Variants in NREP observed in about 807,000 individuals in gnomAD.
The protein encoded by NREP is neuronal regeneration related protein, also known as neuronal regeneration-related protein.
A neutral mutation model predicts 8.6 loss-of-function variants in NREP; 5 were observed. The ratio of observed to expected loss-of-function variants is 0.58; its 90% CI spans 0.30 to 1.22. The LOEUF is 1.22. NREP is among the 50% of genes most tolerant of loss of function. The pLI, the probability that NREP is intolerant of heterozygous loss-of-function variation, is 0.07. For synonymous variants in NREP, 27 were observed against 28.0 expected, an observed-to-expected ratio of 0.96 and a Z score of 0.11; for missense variants, 86 against 82.5, an observed-to-expected ratio of 1.04 and a Z score of -0.17.
intron 2 of NREP, among the ~76,000 whole-genome samples, chr5:111,741,577 T>C (rs1749666858): frequency 6.6e-6 from 1 of 152,152 alleles, no homozygotes; most frequent in Non-Finnish European, 1.5e-5. Flanking sequence ...GCTGTCTCTC[T>C]AGAGACGTAG....
At chr5:111,961,067 G>A (rs1756467075) in intron 2 of NREP, among the ~76,000 whole-genome samples, 2 of 152,196 alleles carry the variant, frequency 1.3e-5, no homozygotes, top group African/African-American at 4.8e-5. Context: ...CACTTCCAAT[G>A]TCTGTAACAT....
intron 2 of NREP, among the ~76,000 whole-genome samples, chr5:111,808,624 T>C (rs1242832894): frequency 1.3e-5 from 2 of 152,202 alleles, no homozygotes; most frequent in Non-Finnish European, 2.9e-5. Flanking sequence ...TTCCCCTCAA[T>C]CTGATCCTCT....
At chr5:111,733,008 A>C (rs1581024856) in intron 3 of NREP, 1 of 152,214 alleles carries the variant, frequency 6.6e-6, no homozygotes, top group East Asian at 1.9e-4. Flanking sequence ...CCTCCATGAA[A>C]CATACACAAC....
chr5:111,934,201 T>C (rs1387532521), intron 2 of NREP, among the ~76,000 whole-genome samples: 1 of 152,064 alleles, frequency 6.6e-6, no homozygotes, highest in South Asian at 2.1e-4. Flanking sequence ...TGTCTCAAGA[T>C]ACTCTCCAGG....
chr5:111,903,082 CTTT>C (rs759722512), intron 2 of NREP, among the ~76,000 whole-genome samples: 1 of 122,692 alleles, frequency 8.2e-6, no homozygotes, highest in Non-Finnish European at 1.7e-5. Flanking sequence ...TGTCTTTTCT[CTTT>C]TTTTTTTTTT....
At chr5:111,886,155 G>A (rs889669752) in intron 2 of NREP, among the ~76,000 whole-genome samples, 1 of 152,012 alleles carries the variant, frequency 6.6e-6, no homozygotes, top group East Asian at 1.9e-4. Flanking sequence ...TCAAAAAGTG[G>A]GCAAAGGACA....
At chr5:111,910,232 C>G (rs911934672) in intron 2 of NREP, among the ~76,000 whole-genome samples, 1 of 151,946 alleles carries the variant, frequency 6.6e-6, no homozygotes, top group Non-Finnish European at 1.5e-5. Context: ...CTCTGGATAC[C>G]AAAGAAGGAT....
At position 111,922,348 on chromosome 5, in the gene NREP, G is replaced by A. The variant is rs374056632; in HGVS notation, c.135+52926C>T. Among the ~76,000 whole-genome samples, 78 of 152,196 alleles carry A rather than the reference G, an allele frequency of 5.1e-4. 1 individual carries two copies. Among genetic ancestry groups the A allele is most frequent in the African/African-American group, 1.7e-3 (69 of 41,530 alleles). On this transcript the variant is annotated intron_variant, in intron 2 of 3. Coordinates refer to the NREP transcript ENST00000395634. Reference sequence around the variant, plus strand: ...AATGAAGAGCCATTGTCACTTTGGAGGTATTTAGGGAGTCCAAAGCGGGGA... The same window carrying A: ...AATGAAGAGCCATTGTCACTTTGGAAGTATTTAGGGAGTCCAAAGCGGGGA...
At chr5:111,906,994 T>G (rs1424674243) in intron 2 of NREP, among the ~76,000 whole-genome samples, 3 of 152,084 alleles carry the variant, frequency 2.0e-5, no homozygotes, top group African/African-American at 7.2e-5. Flanking sequence ...GGTCTCCAAC[T>G]CCTGTCTTCA....
At chr5:111,910,318 T>G (rs1044260833) in intron 2 of NREP, among the ~76,000 whole-genome samples, 5 of 152,040 alleles carry the variant, frequency 3.3e-5, no homozygotes, top group African/African-American at 1.2e-4. Flanking sequence ...ACTTATTGCT[T>G]ACCTCCCTAT....
chr5:111,846,420 C>CTTTTTTGTTTT (rs1753169765), intron 2 of NREP: 1 of 44,412 alleles, frequency 2.3e-5, no homozygotes, highest in Non-Finnish European at 4.2e-5. Flanking sequence ...TTTTTGTTTG[C>CTTTTTTGTTTT]TTTTTTTTTT....
chr5:111,971,004 G>A (rs1162034301), intron 2 of NREP, among the ~76,000 whole-genome samples: 3 of 152,038 alleles, frequency 2.0e-5, no homozygotes, highest in Non-Finnish European at 2.9e-5. Context: ...GCATCCTTAG[G>A]TGTTCCGATG....
chr5:111,739,675 G>C (rs928241111), intron 2 of NREP: 8 of 151,924 alleles, frequency 5.3e-5, no homozygotes, highest in African/African-American at 1.9e-4. Context: ...CTGAATTCAA[G>C]TTTGTGTTTT....
exon 2 of NREP, chr5:111,975,332 T>C (rs2112679188): frequency 6.4e-7 from 1 of 1,551,650 alleles, no homozygotes; most frequent in Non-Finnish European, 8.7e-7. Flanking sequence ...AGGGACTCTG[T>C]CTGTCATCCT....
chr5:111,836,789 G>A (rs976268718), intron 2 of NREP, among the ~76,000 whole-genome samples: 2 of 152,066 alleles, frequency 1.3e-5, no homozygotes, highest in African/African-American at 2.4e-5. Context: ...AGGAAAAAGA[G>A]TATGTACATT....
intron 2 of NREP, among the ~76,000 whole-genome samples, chr5:111,753,328 T>C (rs1017988250): frequency 5.6e-5 from 2 of 35,612 alleles, no homozygotes; most frequent in Non-Finnish European, 1.8e-4. Context: ...CACAAGTTGA[T>C]TTTATATATA....
At chr5:111,878,783 G>A (rs1250323402) in intron 2 of NREP, among the ~76,000 whole-genome samples, 1 of 152,110 alleles carries the variant, frequency 6.6e-6, no homozygotes, top group Non-Finnish European at 1.5e-5. Context: ...CATGGGCTTT[G>A]TAACCAAGCA....
chr5:111,955,362 G>A (rs1223324520), intron 2 of NREP, among the ~76,000 whole-genome samples: 9 of 151,916 alleles, frequency 5.9e-5, no homozygotes, highest in Middle Eastern at 3.4e-3. Flanking sequence ...ATAGTTGAGT[G>A]AGTCAGCGAA....
At chr5:111,797,266 A>T (rs1315632360) in intron 2 of NREP, among the ~76,000 whole-genome samples, 1 of 152,224 alleles carries the variant, frequency 6.6e-6, no homozygotes, top group Non-Finnish European at 1.5e-5. Context: ...AAAAAAATTT[A>T]AAAGCTTACA....
Sources: allele counts gnomAD v4.1 joint callset (sites outside exome capture counted in the v4.1 genomes callset), GRCh38; gene constraint gnomAD v4.1.1; transcripts MANE v1.5; gene names NCBI Gene and HGNC (gene_info 2026-07-23, HGNC 2026-07-21).